Variants in RYR2 observed in about 807,000 individuals in gnomAD.
RYR2 encodes ryanodine receptor 2.
A neutral mutation model predicts 601.1 loss-of-function variants in RYR2; 227 were observed. The observed-to-expected ratio is 0.38, with a 90% CI of 0.34 to 0.42. The LOEUF is 0.42. Among genes scored for constraint, RYR2 ranks in the 10% least tolerant of loss-of-function variants. The pLI, the probability that RYR2 is intolerant of heterozygous loss-of-function variation, is 1.00. For missense variants in RYR2, 4,646 were observed against 6,156.5 expected, an observed-to-expected ratio of 0.75 and a Z score of 8.21; for synonymous variants, 2,223 against 2,175.1, an observed-to-expected ratio of 1.02 and a Z score of -0.61.
intron 98 of RYR2, among the ~76,000 whole-genome samples, chr1:237,805,849 C>T (rs1045590647): frequency 1.3e-5 from 2 of 152,108 alleles, no homozygotes; most frequent in East Asian, 1.9e-4. Flanking sequence ...TGTGACCTGC[C>T]GTCATCCTAC....
At chr1:237,126,065 T>A (rs1458591140) in intron 1 of RYR2, among the ~76,000 whole-genome samples, 1 of 152,056 alleles carries the variant, frequency 6.6e-6, no homozygotes, top group Non-Finnish European at 1.5e-5. Context: ...GGCAAAACCC[T>A]GTCTCTACTA....
At chr1:237,524,453 G>T (rs1251613587) in intron 24 of RYR2, among the ~76,000 whole-genome samples, 2 of 152,110 alleles carry the variant, frequency 1.3e-5, no homozygotes, top group African/African-American at 4.8e-5. Flanking sequence ...TCGTGGAAAT[G>T]GTGCAAAGCT....
intron 2 of RYR2, among the ~76,000 whole-genome samples, chr1:237,271,610 A>C (rs7519473): frequency 0.13 from 19,505 of 152,190 alleles, 2,252 homozygotes; most frequent in African/African-American, 0.31. Context: ...AAAAAGGCAT[A>C]GTTTTTCATC....
intron 35 of RYR2, among the ~76,000 whole-genome samples, chr1:237,609,045 T>G: frequency 6.9e-6 from 1 of 145,180 alleles, no homozygotes; most frequent in Admixed American, 6.9e-5. Context: ...CCTTCCTTCC[T>G]TCCTTGTCCC....
At chr1:237,330,842 A>G in intron 2 of RYR2, 36 bp from the exon 3 acceptor site, 7 of 1,530,600 alleles carry the variant, frequency 4.6e-6, no homozygotes, top group Non-Finnish European at 6.3e-6. Flanking sequence ...CTTGATGAAG[A>G]TGATGCTGCT....
At chr1:237,422,996 A>G (rs1705749275) in intron 11 of RYR2, 96 bp from the exon 12 acceptor site, 1 of 1,369,196 alleles carries the variant, frequency 7.3e-7, no homozygotes, top group African/African-American at 1.5e-5. Context: ...CATTAAGACA[A>G]TATATATGAC....
intron 1 of RYR2, among the ~76,000 whole-genome samples, chr1:237,210,767 C>T (rs1315796813): frequency 6.6e-6 from 1 of 152,170 alleles, no homozygotes; most frequent in African/African-American, 2.4e-5. Context: ...GGAAAGCAGG[C>T]ACCGGGGACC....
intron 101 of RYR2, among the ~76,000 whole-genome samples, chr1:237,820,322 C>G (rs1263298568): frequency 6.6e-6 from 1 of 152,090 alleles, no homozygotes; most frequent in Non-Finnish European, 1.5e-5. Context: ...ACTGAGGTAC[C>G]CAGTTCATCT....
intron 11 of RYR2, among the ~76,000 whole-genome samples, chr1:237,421,810 CTTG>C (rs1362678932): frequency 6.6e-6 from 1 of 152,018 alleles, no homozygotes; most frequent in East Asian, 1.9e-4. Flanking sequence ...TCATTTTCTG[CTTG>C]TTGTTGACAT....
In RYR2 at chr1:237,674,830, G is replaced by GTA; in HGVS notation, c.8818_8819dup (p.Leu2941SerfsTer31). 1 of 1,605,406 alleles carries GTA rather than the reference G, an allele frequency of 6.2e-7. No homozygotes were observed. Among genetic ancestry groups the GTA allele is most frequent in the East Asian group, 2.2e-5 (1 of 44,804 alleles). On this transcript the variant is annotated frameshift_variant, in exon 60 of 105. Transcript: ENST00000366574. LOFTEE classifies it high-confidence loss of function. ...TTCGCTATGTGGATGAAGCCCATCA[G>GTA]TATATCCTGGAGTTTGGTAGGTACC...
At chr1:237,701,845 A>G (rs1457824961) in intron 65 of RYR2, 133 bp from the exon 66 acceptor site, 1 of 559,488 alleles carries the variant, frequency 1.8e-6, no homozygotes, top group African/African-American at 1.9e-5. Flanking sequence ...TGTTGCTGCA[A>G]AAGACATGAT....
chr1:237,801,833 A>T (rs373601138), intron 97 of RYR2, 23 bp from the exon 98 acceptor site: 26 of 1,366,290 alleles, frequency 1.9e-5, no homozygotes, highest in East Asian at 7.3e-5. Context: ...ATAACTACGC[A>T]TTTTTTTTTT....
At chr1:237,274,431 G>A (rs1558537023) in intron 2 of RYR2, among the ~76,000 whole-genome samples, 1 of 151,798 alleles carries the variant, frequency 6.6e-6, no homozygotes, top group South Asian at 2.1e-4. Flanking sequence ...TTAAAAAATA[G>A]GAAAGAGGTG....
chr1:237,065,980 C>T (rs949355886), intron 1 of RYR2, among the ~76,000 whole-genome samples: 2 of 152,148 alleles, frequency 1.3e-5, no homozygotes, highest in Non-Finnish European at 2.9e-5. Context: ...GGGGGAAATC[C>T]CCACCCATGC....
chr1:237,376,703 G>A (rs1444069136), intron 7 of RYR2, among the ~76,000 whole-genome samples: 1 of 152,036 alleles, frequency 6.6e-6, no homozygotes, highest in Admixed American at 6.6e-5. Context: ...GAAATTGTTT[G>A]GTTGATGTAA....
intron 1 of RYR2, among the ~76,000 whole-genome samples, chr1:237,221,106 C>T (rs1683759653): frequency 6.6e-6 from 1 of 151,966 alleles, no homozygotes; most frequent in East Asian, 1.9e-4. Flanking sequence ...AAAAAAACCC[C>T]CCAAAACAAA....
chr1:237,081,437 A>T (rs1439906987), intron 1 of RYR2, among the ~76,000 whole-genome samples: 1 of 151,904 alleles, frequency 6.6e-6, no homozygotes, highest in Non-Finnish European at 1.5e-5. Context: ...CCAGGTTCTA[A>T]AGGGACAACC....
intron 33 of RYR2, among the ~76,000 whole-genome samples, chr1:237,594,909 T>TG (rs1573019754): frequency 8.7e-6 from 1 of 114,762 alleles, no homozygotes; most frequent in African/African-American, 3.2e-5. Flanking sequence ...TTTTTTTTTT[T>TG]TTTTTTTTTT....
rs1696339114 is a variant in RYR2 at position 237,328,141 on chromosome 1, A to T, written c.169-2737A>T. 2.0e-5 allele frequency among the ~76,000 whole-genome samples: 3 copies of T among 152,346 alleles called. No homozygotes were observed. The East Asian group carries it at 5.8e-4, about 29-fold the overall frequency. ...CACCACAGAAATGGGCAAATGCTAC[A>T]AATCAAGGCATTTTTTTTCAAGTCA... On this transcript the variant is annotated intron_variant, in intron 2 of 104. Transcript: ENST00000366574.
Sources: allele counts gnomAD v4.1 joint callset (sites outside exome capture counted in the v4.1 genomes callset), GRCh38; gene constraint gnomAD v4.1.1; transcripts MANE v1.5; gene names NCBI Gene and HGNC (gene_info 2026-07-23, HGNC 2026-07-21).